FAP: variants seen among roughly 807,000 people sequenced by gnomAD.
FAP encodes prolyl endopeptidase FAP.
FAP carries 110 observed loss-of-function variants against 126.5 expected under a neutral mutation model. The observed-to-expected ratio is 0.87, with a 90% CI of 0.74 to 1.02. The LOEUF is 1.02. Ranked by LOEUF, FAP falls within the 50% of genes least tolerant of loss-of-function variation. The probability of loss-of-function intolerance (pLI) is 0.00; values close to 1 mark genes in which losing one functional copy is unlikely to be tolerated. For synonymous variants in FAP, 334 were observed against 297.3 expected, an observed-to-expected ratio of 1.12 and a Z score of -1.27; for missense variants, 919 against 909.2, an observed-to-expected ratio of 1.01 and a Z score of -0.14.
chr2:162,230,540 A>G (rs933764426), intron 2 of FAP, among the ~76,000 whole-genome samples: 1 of 152,034 alleles, frequency 6.6e-6, no homozygotes, highest in Admixed American at 6.6e-5. Context: ...TAAAAAAAAA[A>G]CCAACTTGAC....
intron 16 of FAP, among the ~76,000 whole-genome samples, chr2:162,195,670 A>G (rs1688228179): frequency 6.6e-6 from 1 of 152,162 alleles, no homozygotes. Context: ...TCCAACATGC[A>G]TTCAGCTTCT....
At chr2:162,216,271 T>G (rs1689157541) in intron 9 of FAP, among the ~76,000 whole-genome samples, 1 of 152,218 alleles carries the variant, frequency 6.6e-6, no homozygotes, top group Non-Finnish European at 1.5e-5. Context: ...ATTTTGGATA[T>G]GAAAATGCAG....
At chr2:162,207,906 T>C (rs1483444492) in intron 12 of FAP, among the ~76,000 whole-genome samples, 1 of 149,622 alleles carries the variant, frequency 6.7e-6, no homozygotes, top group Non-Finnish European at 1.5e-5. Flanking sequence ...AGACGGGGTT[T>C]CACAGTGTTA....
chr2:162,188,731 T>A (rs1389465884), intron 19 of FAP, among the ~76,000 whole-genome samples: 1 of 152,098 alleles, frequency 6.6e-6, no homozygotes, highest in Non-Finnish European at 1.5e-5. Context: ...TGATTTTGGG[T>A]GTGATTCCAC....
chr2:162,175,761 C>T (rs1431934741), intron 21 of FAP: 2 of 152,126 alleles, frequency 1.3e-5, no homozygotes, highest in African/African-American at 4.8e-5. Context: ...GCCCATGTCA[C>T]ATGGAAATTT....
At chr2:162,196,523 T>A (rs1320564936) in intron 16 of FAP, among the ~76,000 whole-genome samples, 1 of 151,638 alleles carries the variant, frequency 6.6e-6, no homozygotes, top group East Asian at 1.9e-4. Flanking sequence ...CATATCTTTT[T>A]TTTTTTTTTT....
chr2:162,170,986 G>T lies in FAP; in HGVS notation c.2276C>A (p.Ser759Ter). ...CTTGCATCTGCATCGTTTTTAGTCTGACAAAGAGAAACACTGCTTTAGGAA... is the reference window on the plus strand; with the variant it reads ...CTTGCATCTGCATCGTTTTTAGTCTTACAAAGAGAAACACTGCTTTAGGAA... Reference protein sequence around the residue: ...THFLKQCFSLSD With the variant: ...THFLKQCFSL The change falls in exon 26 of 26, where the codon TCA becomes TAA. Residue 759 changes from serine to a stop codon, truncating the protein, a stop_gained. Coordinates refer to ENST00000188790, the MANE Select transcript of FAP (RefSeq NM_004460.5). LOFTEE classifies it high-confidence loss of function. 2.5e-6 allele frequency: 4 copies of T among 1,612,566 alleles called. No homozygotes were observed. Among genetic ancestry groups the T allele is most frequent in the South Asian group, 1.1e-5 (1 of 91,020 alleles).
chr2:162,242,302 G>A (rs1690385114), intron 2 of FAP, among the ~76,000 whole-genome samples: 2 of 152,158 alleles, frequency 1.3e-5, no homozygotes, highest in Non-Finnish European at 2.9e-5. Flanking sequence ...TGAGATCAGT[G>A]TCAATCTAAG....
chr2:162,241,332 A>G (rs1441191768), intron 2 of FAP, among the ~76,000 whole-genome samples: 2 of 152,234 alleles, frequency 1.3e-5, no homozygotes, highest in African/African-American at 4.8e-5. Flanking sequence ...TGTAAGCTAT[A>G]CATAACTAAA....
intron 2 of FAP, among the ~76,000 whole-genome samples, chr2:162,232,686 G>A (rs1481773067): frequency 6.6e-6 from 1 of 152,134 alleles, no homozygotes; most frequent in African/African-American, 2.4e-5. Context: ...AATAACATGA[G>A]TTATTCAAAG....
chr2:162,215,344 C>T lies in FAP; in HGVS notation c.866+554G>A, dbSNP rs575867796. On this transcript the variant is annotated intron_variant, in intron 10 of 25. Transcript: ENST00000188790. ...AACCAGAAAGACCACAGAGGACTGACTGAAGGTCACTGTATTCTGGACTAG... is the reference window on the plus strand; with the variant it reads ...AACCAGAAAGACCACAGAGGACTGATTGAAGGTCACTGTATTCTGGACTAG... Among the ~76,000 whole-genome samples, 11 of 152,322 alleles carry T rather than the reference C, an allele frequency of 7.2e-5. 1 individual carries two copies. Among genetic ancestry groups the T allele is most frequent in the African/African-American group, 2.2e-4 (9 of 41,580 alleles).
chr2:162,202,832 T>C, intron 14 of FAP, 40 bp downstream of exon 14: 2 of 1,509,064 alleles, frequency 1.3e-6, no homozygotes. Flanking sequence ...CGGTGCCAAT[T>C]AAAACCTGAA....
chr2:162,195,644 A>T (rs1051661836), intron 16 of FAP, among the ~76,000 whole-genome samples: 1 of 152,156 alleles, frequency 6.6e-6, no homozygotes, highest in Non-Finnish European at 1.5e-5. Flanking sequence ...CTGGCACACC[A>T]GTGTCCACTA....
chr2:162,175,387 C>T (rs1410779025), intron 21 of FAP: 1 of 152,926 alleles, frequency 6.5e-6, no homozygotes, highest in Non-Finnish European at 1.5e-5. Flanking sequence ...GATACATCCT[C>T]GCAGTTTGCA....
In FAP at chr2:162,242,931, C is replaced by T. The variant is rs1404180579; in HGVS notation, c.68G>A (p.Cys23Tyr). Residue 23 changes from cysteine (C) to tyrosine (Y), a missense_variant, in exon 2 of 26, where the codon TGC (cysteine) becomes TAC (tyrosine). Physicochemically the swap from Cys to Tyr is radical, Grantham distance 194. Transcript: ENST00000188790. ...ACCTCTTGAAGGGCGTAAGACAATG[C>T]ACATCACCAATAAGGCAAGCACAGC... ...TSAVLALLVM[C>Y]IVLRPSRVHN... 1.2e-6 allele frequency: 2 copies of T among 1,613,048 alleles called. No homozygotes were observed. Among genetic ancestry groups the T allele is most frequent in the Non-Finnish European group, 1.7e-6 (2 of 1,179,376 alleles).
At chr2:162,172,378 A>G (rs9973461) in intron 25 of FAP, 1 of 159,796 alleles carries the variant, frequency 6.3e-6, no homozygotes, top group Non-Finnish European at 1.4e-5. Flanking sequence ...TTCTCTAACC[A>G]CAAATGGAGC....
intron 2 of FAP, among the ~76,000 whole-genome samples, chr2:162,239,112 T>C (rs1012688611): frequency 1.3e-5 from 2 of 152,224 alleles, no homozygotes; most frequent in South Asian, 2.1e-4. Context: ...AGTTTCCTTT[T>C]GGTTTCCTGA....
chr2:162,186,297 A>C (rs1687865388), intron 20 of FAP, among the ~76,000 whole-genome samples: 1 of 152,140 alleles, frequency 6.6e-6, no homozygotes, highest in Admixed American at 6.6e-5. Context: ...TTCCATCCTA[A>C]AAATGGCTCA....
At chr2:162,228,579 A>G (rs1325665460) in intron 2 of FAP, among the ~76,000 whole-genome samples, 1 of 152,160 alleles carries the variant, frequency 6.6e-6, no homozygotes, top group Admixed American at 6.6e-5. Context: ...CCCTTTTGCA[A>G]CTAGACACTG....
Sources: gnomAD v4.1 joint callset for allele counts (sites outside exome capture counted in the v4.1 genomes callset) on GRCh38, gnomAD v4.1.1 for gene constraint, MANE v1.5 for transcripts, NCBI Gene and HGNC (gene_info 2026-07-23, HGNC 2026-07-21) for gene names.